Variants in PDE11A observed in about 807,000 individuals in gnomAD.
PDE11A encodes the protein phosphodiesterase 11A.
Under a neutral mutation model 100.5 loss-of-function variants are expected in PDE11A, and 100 were observed. The ratio of observed to expected loss-of-function variants is 1.00; its 90% CI spans 0.85 to 1.18. The LOEUF is 1.18. PDE11A is among the 50% of genes most tolerant of loss of function. The pLI, the probability that PDE11A is intolerant of heterozygous loss-of-function variation, is 0.00. For missense variants in PDE11A, 1,141 were observed against 1,152.6 expected, an observed-to-expected ratio of 0.99 and a Z score of 0.15; for synonymous variants, 381 against 420.8, an observed-to-expected ratio of 0.91 and a Z score of 1.16.
intron 1 of PDE11A, among the ~76,000 whole-genome samples, chr2:178,060,937 CTTTTTTTTTTTTT>C (rs71010855): frequency 2.6e-5 from 2 of 75,678 alleles, no homozygotes; most frequent in Non-Finnish European, 4.7e-5. Flanking sequence ...TGTAAATATT[CTTTTTTTTTTTTT>C]TTTTTTTTTT....
chr2:178,071,944 G>A lies in PDE11A; in HGVS notation c.494C>T (p.Pro165Leu), dbSNP rs1474341575. 1.2e-6 allele frequency: 2 copies of A among 1,613,938 alleles called. No individual in the cohort carries two copies. The highest frequency in any genetic ancestry group is 1.7e-6 in the Non-Finnish European group (2 of 1,179,944). ...ACTGAGAATATGGGCTGTGGTGGGG[G>A]GCAGGGAGCTTGCCTTCCGGAGAAG... ...RALLRKASSL[P>L]PTTAHILSAL... is the part of the protein sequence containing the mutation. Residue 165 changes from proline (P) to leucine (L), a missense_variant, in exon 1 of 20, where the codon CCC (proline) becomes CTC (leucine). By Grantham distance (98) the Pro-to-Leu change is moderately conservative. Transcript: ENST00000286063.
chr2:177,989,269 T>C (rs2085975226), intron 2 of PDE11A, among the ~76,000 whole-genome samples: 1 of 152,260 alleles, frequency 6.6e-6, no homozygotes, highest in East Asian at 1.9e-4. Flanking sequence ...TGTGGAATGC[T>C]GTTTCCTAAA....
chr2:178,056,056 G>A (rs1264288481), intron 1 of PDE11A, among the ~76,000 whole-genome samples: 9 of 152,088 alleles, frequency 5.9e-5, no homozygotes, highest in South Asian at 2.1e-4. Flanking sequence ...ACAGCTACAC[G>A]GTTGATAAAG....
chr2:178,090,969 G>A (rs930342754), intron 2 of PDE11A, among the ~76,000 whole-genome samples: 1 of 152,228 alleles, frequency 6.6e-6, no homozygotes, highest in African/African-American at 2.4e-5. Flanking sequence ...GCACTTAGCA[G>A]ATTTAATGGA....
At chr2:177,782,729 G>T (rs1035008653) in intron 9 of PDE11A, among the ~76,000 whole-genome samples, 2 of 152,032 alleles carry the variant, frequency 1.3e-5, no homozygotes, top group East Asian at 3.9e-4. Flanking sequence ...TGTGAAGAAG[G>T]TTCTTTCTTT....
chr2:177,644,769 G>A (rs959379772), intron 19 of PDE11A, among the ~76,000 whole-genome samples: 9 of 152,306 alleles, frequency 5.9e-5, no homozygotes, highest in East Asian at 1.9e-4. Flanking sequence ...CCCACATGTC[G>A]TAGGAGGAAC....
At chr2:177,950,701 G>T (rs369856734) in intron 2 of PDE11A, among the ~76,000 whole-genome samples, 2 of 152,192 alleles carry the variant, frequency 1.3e-5, no homozygotes, top group African/African-American at 4.8e-5. Flanking sequence ...CACAAGGTCA[G>T]GAGATCGAGA....
intron 2 of PDE11A, among the ~76,000 whole-genome samples, chr2:178,006,826 G>GC (rs988496680): frequency 0.052 from 104 of 1,984 alleles, no homozygotes; most frequent in Admixed American, 0.19. Context: ...CAAAACAAGG[G>GC]GGGGGGGGGA....
At chr2:177,836,713 T>C (rs146546507) in intron 6 of PDE11A, among the ~76,000 whole-genome samples, 5,451 of 152,254 alleles carry the variant, frequency 0.036, 173 homozygotes, top group Non-Finnish European at 0.05. Context: ...AAGGTCTGCA[T>C]CTTCACTCCT....
At chr2:177,983,973 C>A (rs13406220) in intron 2 of PDE11A, among the ~76,000 whole-genome samples, 5,509 of 152,240 alleles carry the variant, frequency 0.036, 354 homozygotes, top group African/African-American at 0.13. Context: ...AAAGTAGCAC[C>A]AATTAATAAA....
intron 9 of PDE11A, 34 bp downstream of exon 9, chr2:177,816,795 C>G: frequency 1.7e-6 from 2 of 1,201,300 alleles, no homozygotes; most frequent in Non-Finnish European, 2.5e-6. Flanking sequence ...TTAGAGCTGA[C>G]AGCATACAAA....
intron 2 of PDE11A, among the ~76,000 whole-genome samples, chr2:177,958,695 C>T (rs1198373925): frequency 6.6e-6 from 1 of 152,162 alleles, no homozygotes; most frequent in Non-Finnish European, 1.5e-5. Flanking sequence ...GGACATAATT[C>T]CTTAAACTGA....
At chr2:177,915,253 T>C (rs1318077105) in intron 2 of PDE11A, among the ~76,000 whole-genome samples, 1 of 152,200 alleles carries the variant, frequency 6.6e-6, no homozygotes, top group Non-Finnish European at 1.5e-5. Flanking sequence ...GTGTCACACA[T>C]TATTCGGATT....
chr2:178,021,455 A>G (rs541553239), intron 1 of PDE11A, among the ~76,000 whole-genome samples: 2 of 152,332 alleles, frequency 1.3e-5, no homozygotes, highest in East Asian at 3.9e-4. Flanking sequence ...CTGTAGATTA[A>G]TCTTCCAATT....
Position 177,875,720 on chromosome 2 carries a change from C to A in PDE11A, c.1367+139G>T, listed in dbSNP as rs2084226269. ...TTTAAGATATAGTTTTAATTTAAGC[C>A]CTGAAATACAGAAGAGTCACGATAT... On this transcript the variant is annotated intron_variant, in intron 5 of 19. Transcript: ENST00000286063. The A allele has an allele frequency of 2.7e-5, 19 of 699,238 alleles. No individual in the cohort carries two copies. In the South Asian group the frequency reaches 3.0e-4, roughly 11 times the overall value. 43.3% of individuals were successfully genotyped at this position (699,238 alleles called of 1,614,324 possible). A position where few individuals can be genotyped will look rare whatever the true frequency, so the allele number is the denominator to read the frequency against.
At chr2:177,997,310 C>T in intron 2 of PDE11A, 1 of 945,530 alleles carries the variant, frequency 1.1e-6, no homozygotes, top group South Asian at 1.3e-5. Flanking sequence ...ATATTTCTCA[C>T]TGGGAGGATT....
intron 2 of PDE11A, among the ~76,000 whole-genome samples, chr2:178,098,242 A>C (rs1015155002): frequency 5.9e-5 from 9 of 152,210 alleles, no homozygotes; most frequent in Admixed American, 1.3e-4. Flanking sequence ...ACATCCAAAA[A>C]CTGGGACAAT....
chr2:177,675,399 C>T (rs533992188), intron 17 of PDE11A, 56 bp downstream of exon 17: 2 of 1,217,500 alleles, frequency 1.6e-6, no homozygotes. Flanking sequence ...ATATTGTGTC[C>T]CCCTTACGCC....
At chr2:177,727,157 G>A (rs1397200926) in intron 12 of PDE11A, among the ~76,000 whole-genome samples, 2 of 152,016 alleles carry the variant, frequency 1.3e-5, no homozygotes, top group East Asian at 1.9e-4. Flanking sequence ...TTTAAGGCAA[G>A]TAAGCCCTAA....
Sources: gnomAD v4.1 joint callset for allele counts (sites outside exome capture counted in the v4.1 genomes callset) on GRCh38, gnomAD v4.1.1 for gene constraint, MANE v1.5 for transcripts, NCBI Gene and HGNC (gene_info 2026-07-23, HGNC 2026-07-21) for gene names.